ARHGEF4: variants seen among roughly 807,000 people sequenced by gnomAD.
The protein encoded by ARHGEF4 is APC-stimulated guanine nucleotide exchange factor 1.
A neutral mutation model predicts 162.0 loss-of-function variants in ARHGEF4; 119 were observed. That is an observed-to-expected ratio of 0.73 (90% CI 0.63 to 0.86). The LOEUF is 0.86. ARHGEF4 is among the 40% of genes least tolerant of loss of function. The pLI is 0.00. For missense variants in ARHGEF4, 2,488 were observed against 2,456.0 expected, an observed-to-expected ratio of 1.01 and a Z score of -0.28; for synonymous variants, 1,014 against 979.9, an observed-to-expected ratio of 1.03 and a Z score of -0.65.
intron 4 of ARHGEF4, among the ~76,000 whole-genome samples, chr2:130,980,121 G>T (rs1686027429): frequency 6.6e-6 from 1 of 152,184 alleles, no homozygotes; most frequent in South Asian, 2.1e-4. Context: ...GTCTGGATGG[G>T]CATGGTGGCT....
rs777982625 is a variant in ARHGEF4 at position 130,977,091 on chromosome 2, GGT to G, written c.3985+30461_3985+30462del. Among the ~76,000 whole-genome samples the G allele has an allele frequency of 2.3e-4, 35 of 151,482 alleles. No individual in the cohort carries two copies. In the East Asian group the frequency reaches 6.2e-3, roughly 27 times the overall value. On this transcript the variant is annotated intron_variant, in intron 4 of 13. Transcript: ENST00000409359. Reference sequence around the variant, plus strand: ...ATGTGTGTTACTGTGTGGTGTGTGTGGTGTGTTAGTGTGTGTGGTGTATGTGA... The same window carrying G: ...ATGTGTGTTACTGTGTGGTGTGTGTGGTGTTAGTGTGTGTGGTGTATGTGA...
At chr2:130,971,655 CAAAAAAAAA>C (rs35136790) in intron 4 of ARHGEF4, among the ~76,000 whole-genome samples, 1 of 101,354 alleles carries the variant, frequency 9.9e-6, no homozygotes, top group Admixed American at 1.2e-4. Context: ...GAGACTGTCT[CAAAAAAAAA>C]AAAAAAAAAA....
intron 4 of ARHGEF4, among the ~76,000 whole-genome samples, chr2:131,024,693 A>G (rs1230871444): frequency 2.0e-5 from 3 of 152,188 alleles, no homozygotes; most frequent in Non-Finnish European, 4.4e-5. Flanking sequence ...GAGAGATGGG[A>G]TCCTTACGTT....
intron 1 of ARHGEF4, among the ~76,000 whole-genome samples, chr2:130,842,357 T>G (rs1221741378): frequency 6.6e-6 from 1 of 152,184 alleles, no homozygotes; most frequent in African/African-American, 2.4e-5. Flanking sequence ...AATGCGCCAG[T>G]CTGCAGATTG....
intron 3 of ARHGEF4, among the ~76,000 whole-genome samples, chr2:130,933,553 T>C (rs1682766127): frequency 6.6e-6 from 1 of 152,222 alleles, no homozygotes; most frequent in Non-Finnish European, 1.5e-5. Context: ...TTCAAATCCA[T>C]GAACACTGGG....
intron 1 of ARHGEF4, among the ~76,000 whole-genome samples, chr2:130,912,599 G>A (rs1008183202): frequency 1.3e-5 from 2 of 152,194 alleles, no homozygotes; most frequent in African/African-American, 4.8e-5. Context: ...GGGAGGGGCC[G>A]GTGGGGTGAA....
chr2:130,869,156 G>C (rs114339914), intron 1 of ARHGEF4, among the ~76,000 whole-genome samples: 1 of 152,348 alleles, frequency 6.6e-6, no homozygotes, highest in African/African-American at 2.4e-5. Flanking sequence ...GGAGTGATGT[G>C]ATACAGCTGT....
At chr2:131,000,457 A>C (rs1336934205) in intron 4 of ARHGEF4, among the ~76,000 whole-genome samples, 1 of 152,148 alleles carries the variant, frequency 6.6e-6, no homozygotes, top group African/African-American at 2.4e-5. Flanking sequence ...CAAGTTGGGC[A>C]TTGTTTTGTT....
intron 4 of ARHGEF4, among the ~76,000 whole-genome samples, chr2:130,967,296 CAG>C (rs1204780996): frequency 1.3e-5 from 2 of 152,230 alleles, no homozygotes; most frequent in Admixed American, 1.3e-4. Flanking sequence ...ATATAGCTGA[CAG>C]GGTGGAATTT....
At chr2:130,946,741 T>G (rs1683647472) in intron 4 of ARHGEF4, 106 bp downstream of exon 4, 1 of 1,511,488 alleles carries the variant, frequency 6.6e-7, no homozygotes, top group East Asian at 2.3e-5. Flanking sequence ...TAGAAGTAGC[T>G]TGAAGGTGAG....
chr2:131,035,009 G>C, intron 5 of ARHGEF4: 2 of 985,836 alleles, frequency 2.0e-6, no homozygotes, highest in Non-Finnish European at 2.4e-6. Context: ...CAGGCGCCCC[G>C]CCTCTCCCCG....
chr2:130,943,122 A>AT (rs1683408196), intron 3 of ARHGEF4, among the ~76,000 whole-genome samples: 1 of 152,102 alleles, frequency 6.6e-6, no homozygotes. Flanking sequence ...TGCTTCATAT[A>AT]TTTTGAATGT....
At position 130,887,779 on chromosome 2, in the gene ARHGEF4, C is replaced by T. The variant is rs532110633; in HGVS notation, c.40-26207C>T. On this transcript the variant is annotated intron_variant, in intron 1 of 13. Coordinates refer to ENST00000409359, the MANE Select transcript of ARHGEF4 (RefSeq NM_001367493.1). ...ACCCAGGCCATTTCTGTGGTTGGCC[C>T]GGCTGTCCTCACCATGTGGTCTCCA... 6.6e-4 allele frequency among the ~76,000 whole-genome samples: 100 copies of T among 152,248 alleles called. 4 individuals carry two copies. The highest frequency in any genetic ancestry group is 2.3e-3 in the African/African-American group (95 of 41,494).
intron 1 of ARHGEF4, among the ~76,000 whole-genome samples, chr2:130,886,553 C>T (rs1679534542): frequency 6.6e-6 from 1 of 151,646 alleles, no homozygotes; most frequent in Admixed American, 6.6e-5. Flanking sequence ...TGGTGGCGGG[C>T]ACCTGTAGTC....
chr2:130,925,035 AGTGTGTGTGTGT>A (rs55986926), intron 2 of ARHGEF4, among the ~76,000 whole-genome samples: 5,874 of 137,938 alleles, frequency 0.043, 246 homozygotes, highest in African/African-American at 0.11. Context: ...AGGAGTTCTA[AGTGTGTGTGTGT>A]GTGTGTGTGT....
chr2:130,874,485 A>G (rs896874904), intron 1 of ARHGEF4, among the ~76,000 whole-genome samples: 1 of 152,236 alleles, frequency 6.6e-6, no homozygotes, highest in Non-Finnish European at 1.5e-5. Context: ...TACATGACAA[A>G]TAAACAAAGT....
intron 1 of ARHGEF4, among the ~76,000 whole-genome samples, chr2:130,900,256 GTTCT>G (rs1449929928): frequency 1.3e-5 from 2 of 152,060 alleles, no homozygotes; most frequent in African/African-American, 4.8e-5. Flanking sequence ...TTATTTAGTT[GTTCT>G]TTATTTTTGC....
chr2:130,837,073 C>A (rs1465591330), intron 1 of ARHGEF4, 81 bp downstream of exon 1: 1 of 1,202,648 alleles, frequency 8.3e-7, no homozygotes, highest in African/African-American at 1.6e-5. Flanking sequence ...GCGCTGGCTG[C>A]TGCGCCCCGG....
At chr2:130,928,843 C>T (rs1406740793) in intron 2 of ARHGEF4, among the ~76,000 whole-genome samples, 2 of 152,288 alleles carry the variant, frequency 1.3e-5, no homozygotes, top group African/African-American at 4.8e-5. Flanking sequence ...CCAAAGTCTG[C>T]TTTCTGGCCC....
Sources: gnomAD v4.1 joint callset for allele counts (sites outside exome capture counted in the v4.1 genomes callset) on GRCh38, gnomAD v4.1.1 for gene constraint, MANE v1.5 for transcripts, NCBI Gene and HGNC (gene_info 2026-07-23, HGNC 2026-07-21) for gene names.